ZNF124: variants seen among roughly 807,000 people sequenced by gnomAD.
ZNF124 encodes zinc finger protein 124, also known as zinc finger protein HZF-16.
Under a neutral mutation model 26.6 loss-of-function variants are expected in ZNF124, and 25 were observed. The observed-to-expected ratio is 0.94, with a 90% CI of 0.68 to 1.31. The LOEUF (loss-of-function observed/expected upper bound fraction) is 1.31. Among genes scored for constraint, ZNF124 ranks in the 40% most tolerant of loss-of-function variants. The probability of loss-of-function intolerance (pLI) is 0.00; values close to 1 mark genes in which losing one functional copy is unlikely to be tolerated. For synonymous variants in ZNF124, 129 were observed against 133.3 expected (o/e 0.97, Z 0.22); for missense variants, 444 against 422.2 (o/e 1.05, Z -0.45).
intron 2 of ZNF124, among the ~76,000 whole-genome samples, chr1:247,159,486 T>G (rs984872580): frequency 4.6e-5 from 7 of 152,188 alleles, no homozygotes; most frequent in Non-Finnish European, 1.0e-4. Context: ...TAAAACTATT[T>G]TTGTAAATTA....
At chr1:247,124,400 A>G (rs1485450893) in intron 3 of ZNF124, among the ~76,000 whole-genome samples, 1 of 150,938 alleles carries the variant, frequency 6.6e-6, no homozygotes, top group African/African-American at 2.4e-5. Context: ...ACAGCGTTTC[A>G]CCATGTTGGC....
intron 3 of ZNF124, chr1:247,138,876 C>G (rs1023292400): frequency 2.5e-6 from 1 of 395,432 alleles, no homozygotes; most frequent in Non-Finnish European, 4.5e-6. Flanking sequence ...ACCTGCCTTC[C>G]GTTCTACTCA....
downstream of ZNF124, among the ~76,000 whole-genome samples, chr1:247,152,945 A>G (rs140192437): frequency 6.7e-4 from 102 of 152,244 alleles, 1 homozygote; most frequent in East Asian, 0.017. Context: ...CATCCTGGCT[A>G]ACACGGTGAA....
intron 3 of ZNF124, among the ~76,000 whole-genome samples, chr1:247,142,604 T>A (rs1672656260): frequency 6.6e-6 from 1 of 152,214 alleles, no homozygotes; most frequent in African/African-American, 2.4e-5. Context: ...CACCAACCTT[T>A]AATAGCATTC....
chr1:247,162,126 A>G (rs934083520), intron 1 of ZNF124, among the ~76,000 whole-genome samples: 5 of 152,214 alleles, frequency 3.3e-5, no homozygotes, highest in Admixed American at 2.6e-4. Flanking sequence ...AGTGCTAAAT[A>G]TGGAAAGATC....
chr1:247,127,844 A>C (rs4925590), intron 3 of ZNF124, among the ~76,000 whole-genome samples: 35,111 of 146,158 alleles, frequency 0.24, 463 homozygotes, highest in African/African-American at 0.33. Context: ...AGCTTCCGGC[A>C]GAATGAAGCC....
At chr1:247,132,031 C>T (rs562421929) in intron 3 of ZNF124, among the ~76,000 whole-genome samples, 10 of 152,270 alleles carry the variant, frequency 6.6e-5, no homozygotes, top group Non-Finnish European at 8.8e-5. Context: ...TACTGGCATC[C>T]GGTTGGTGTC....
intron 3 of ZNF124, among the ~76,000 whole-genome samples, chr1:247,148,538 G>T (rs1672844223): frequency 6.6e-6 from 1 of 152,206 alleles, no homozygotes; most frequent in Admixed American, 6.5e-5. Context: ...ACAAATGGAA[G>T]CAAGAGCTCC....
chr1:247,152,156 T>TA (rs1488874682), downstream of ZNF124, among the ~76,000 whole-genome samples: 1 of 150,806 alleles, frequency 6.6e-6, no homozygotes, highest in East Asian at 1.9e-4. Flanking sequence ...TATCTTTAAA[T>TA]ATTTTAAATA....
intron 3 of ZNF124, among the ~76,000 whole-genome samples, chr1:247,140,896 C>G (rs1218594394): frequency 6.6e-6 from 1 of 152,168 alleles, no homozygotes; most frequent in Non-Finnish European, 1.5e-5. Flanking sequence ...GGCTTCTCTC[C>G]CACTTGAATG....
exon 4 of ZNF124, chr1:247,122,533 A>G (rs922654552): frequency 2.0e-5 from 3 of 152,242 alleles, no homozygotes; most frequent in African/African-American, 7.2e-5. Context: ...ACATTTCTTT[A>G]CCATGGAATA....
At chr1:247,144,798 C>T (rs1672720401) in intron 3 of ZNF124, among the ~76,000 whole-genome samples, 1 of 146,712 alleles carries the variant, frequency 6.8e-6, no homozygotes, top group South Asian at 2.1e-4. Context: ...TTTTTTGAGA[C>T]AGAGTCTCGC....
chr1:247,159,947 T>G, intron 1 of ZNF124, 134 bp from the exon 2 acceptor site: 3 of 947,306 alleles, frequency 3.2e-6, no homozygotes, highest in Non-Finnish European at 4.4e-6. Flanking sequence ...ACTATGACTC[T>G]GTCTACACTT....
intron 3 of ZNF124, among the ~76,000 whole-genome samples, chr1:247,128,683 G>C (rs1432614819): frequency 6.6e-6 from 1 of 150,568 alleles, no homozygotes; most frequent in East Asian, 2.0e-4. Context: ...CAGGCAGTCG[G>C]ATACTGGTAT....
At chr1:247,136,284 A>C (rs1418461298) in intron 3 of ZNF124, among the ~76,000 whole-genome samples, 1 of 152,244 alleles carries the variant, frequency 6.6e-6, no homozygotes. Context: ...TGAACTGATA[A>C]GCAACTTCAG....
downstream of ZNF124, among the ~76,000 whole-genome samples, chr1:247,153,180 T>C (rs936997690): frequency 2.6e-5 from 4 of 152,058 alleles, no homozygotes; most frequent in African/African-American, 9.7e-5. Context: ...GCACTGACCA[T>C]TAGTTTCACC....
chr1:247,163,322 G>GAGAGAGA (rs1553335507), intron 1 of ZNF124, among the ~76,000 whole-genome samples: 11 of 134,424 alleles, frequency 8.2e-5, no homozygotes, highest in Non-Finnish European at 1.5e-4. Flanking sequence ...AAGAGAGAGA[G>GAGAGAGA]AAAAAAAAGC....
intron 1 of ZNF124, among the ~76,000 whole-genome samples, chr1:247,167,315 T>G (rs1245890275): frequency 1.9e-4 from 29 of 152,016 alleles, no homozygotes; most frequent in Admixed American, 1.9e-3. Flanking sequence ...CTGTACAGAT[T>G]TAGCATTAAT....
chr1:247,146,381 A>G (rs905027497), intron 3 of ZNF124, among the ~76,000 whole-genome samples: 2 of 152,344 alleles, frequency 1.3e-5, no homozygotes, highest in Non-Finnish European at 1.5e-5. Flanking sequence ...GAGGTCTTTC[A>G]TAAGAGTTCA....
Sources: gnomAD v4.1 joint callset for allele counts (sites outside exome capture counted in the v4.1 genomes callset) on GRCh38, gnomAD v4.1.1 for gene constraint, MANE v1.5 for transcripts, NCBI Gene and HGNC (gene_info 2026-07-23, HGNC 2026-07-21) for gene names.